The following KANK1 variants were observed in gnomAD, a reference collection of about 807,000 sequenced individuals.
The protein encoded by KANK1 is KN motif and ankyrin repeat domains 1.
In KANK1, 109 loss-of-function variants were observed where a neutral mutation model predicts 106.2. That is an observed-to-expected ratio of 1.03 (90% CI 0.88 to 1.20). KANK1 has a LOEUF of 1.20. KANK1 is among the 50% of genes most tolerant of loss of function. The probability of loss-of-function intolerance (pLI) is 0.00; values close to 1 mark genes in which losing one functional copy is unlikely to be tolerated. For synonymous variants in KANK1, 873 were observed against 652.2 expected (o/e 1.34, Z -5.16); for missense variants, 2,399 against 1,710.7 (o/e 1.40, Z -7.10).
chr9:691,301 A>AT (rs57321445), intron 2 of KANK1, among the ~76,000 whole-genome samples: 1,528 of 150,162 alleles, frequency 0.01, 40 homozygotes, highest in African/African-American at 0.036. Flanking sequence ...AATGTAGCAG[A>AT]TTTTTTTTTT....
At chr9:574,635 T>C (rs1820068584) in intron 1 of KANK1, among the ~76,000 whole-genome samples, 1 of 151,914 alleles carries the variant, frequency 6.6e-6, no homozygotes, top group African/African-American at 2.4e-5. Flanking sequence ...GGCGGGTGGA[T>C]CCTGAGGTGA....
chr9:590,660 A>G (rs999598833), intron 1 of KANK1, among the ~76,000 whole-genome samples: 5 of 148,496 alleles, frequency 3.4e-5, no homozygotes, highest in Non-Finnish European at 4.4e-5. Context: ...TTAGGTGTGT[A>G]TGCCTAAATA....
At chr9:519,226 T>C (rs2059439780) in intron 1 of KANK1, among the ~76,000 whole-genome samples, 1 of 151,674 alleles carries the variant, frequency 6.6e-6, no homozygotes, top group African/African-American at 2.4e-5. Flanking sequence ...TAATTGTGTC[T>C]TTTCCCCCAA....
At chr9:741,689 G>A (rs1011041129) in intron 9 of KANK1, among the ~76,000 whole-genome samples, 13 of 151,838 alleles carry the variant, frequency 8.6e-5, no homozygotes, top group South Asian at 2.1e-4. Flanking sequence ...AGGTTTCACC[G>A]TGTTAGCCAG....
At chr9:502,084 A>C (rs1463168556), upstream of KANK1, among the ~76,000 whole-genome samples, 3 of 152,234 alleles carry the variant, frequency 2.0e-5, no homozygotes, top group African/African-American at 4.8e-5. Flanking sequence ...ATGTTAAGTG[A>C]AAGAAGCTAG....
chr9:743,667 C>T (rs1836328215), intron 10 of KANK1, among the ~76,000 whole-genome samples: 1 of 152,052 alleles, frequency 6.6e-6, no homozygotes, highest in Admixed American at 6.6e-5. Context: ...GAGTTCAAGA[C>T]CAGCCTGGGC....
chr9:745,224 T>G lies in KANK1; in HGVS notation c.4048T>G (p.Ser1350Ala). 6.2e-7 allele frequency: 1 copy of G among 1,614,144 alleles called. No individual in the cohort carries two copies. Among genetic ancestry groups the G allele is most frequent in the Non-Finnish European group, 8.5e-7 (1 of 1,179,986 alleles). ...GTCTCCTGGCCCCACCCACCGAGGT[T>G]CATTTGATTGATTGTATGCAAATAG... The part of the protein sequence containing the change: ...KTSPGPTHRG[S>A]FD The change falls in exon 12 of 12, where the codon TCA (serine) becomes GCA (alanine). Residue 1350 changes from serine (S) to alanine (A), a missense_variant. Ser to Ala is a moderately conservative substitution (Grantham distance 99). Coordinates refer to ENST00000382297, the MANE Select transcript of KANK1 (RefSeq NM_015158.5).
chr9:634,337 C>G (rs973483579), intron 1 of KANK1, among the ~76,000 whole-genome samples: 1 of 152,114 alleles, frequency 6.6e-6, no homozygotes, highest in Non-Finnish European at 1.5e-5. Context: ...GAGTCCATCT[C>G]TGGACTTCCT....
intron 1 of KANK1, among the ~76,000 whole-genome samples, chr9:620,775 C>G (rs547485288): frequency 6.6e-6 from 1 of 151,898 alleles, no homozygotes; most frequent in Admixed American, 6.6e-5. Flanking sequence ...TTTAAAAAGC[C>G]AACTTTTAAA....
At chr9:564,838 G>T (rs1280837079) in intron 1 of KANK1, among the ~76,000 whole-genome samples, 1 of 152,206 alleles carries the variant, frequency 6.6e-6, no homozygotes, top group Admixed American at 6.5e-5. Flanking sequence ...CAACTCATGT[G>T]AGTCTCATTG....
intron 3 of KANK1, among the ~76,000 whole-genome samples, chr9:480,797 G>A (rs1053173131): frequency 6.6e-6 from 1 of 152,154 alleles, no homozygotes; most frequent in Non-Finnish European, 1.5e-5. Flanking sequence ...GCAGATTAGG[G>A]GTGACACTCA....
chr9:563,114 G>T (rs1249568883), intron 1 of KANK1, among the ~76,000 whole-genome samples: 1 of 151,960 alleles, frequency 6.6e-6, no homozygotes, highest in Non-Finnish European at 1.5e-5. Flanking sequence ...TAAGAGGAAA[G>T]ATGGAACCAA....
intron 2 of KANK1, among the ~76,000 whole-genome samples, chr9:695,751 ACACTGATG>A (rs1234955664): frequency 2.0e-5 from 3 of 152,158 alleles, no homozygotes; most frequent in Admixed American, 1.3e-4. Context: ...AAGTGACAAC[ACACTGATG>A]CAGGTACTAT....
Position 738,430 on chromosome 9 carries a change from G to A in KANK1, c.3479G>A (p.Gly1160Asp). The change falls in exon 8 of 12, where the codon GGC becomes GAC. Residue 1160 changes from glycine (G) to aspartate (D), a missense_variant. By Grantham distance (94) the Gly-to-Asp change is moderately conservative. Transcript: ENST00000382297. ...VLRYVINLAD[G>D]NGNTALHYSV... ...CGCTATGTCATCAACTTGGCAGACG[G>A]CAACGGCAACACAGCCCTCCATTAC... 6.2e-7 allele frequency: 1 copy of A among 1,614,100 alleles called. No individual in the cohort carries two copies. The highest frequency in any genetic ancestry group is 1.1e-5 in the South Asian group (1 of 91,072).
At chr9:587,218 C>G (rs994355850) in intron 1 of KANK1, among the ~76,000 whole-genome samples, 1 of 152,070 alleles carries the variant, frequency 6.6e-6, no homozygotes, top group Non-Finnish European at 1.5e-5. Flanking sequence ...TTTAGAGGTA[C>G]GAATCTGTTC....
chr9:610,092 G>T (rs1167930674), intron 1 of KANK1, among the ~76,000 whole-genome samples: 2 of 152,086 alleles, frequency 1.3e-5, no homozygotes, highest in Non-Finnish European at 2.9e-5. Flanking sequence ...TTTAGATCGT[G>T]TCTAATTCTT....
chr9:520,822 C>G (rs959896256), intron 1 of KANK1, among the ~76,000 whole-genome samples: 2 of 151,654 alleles, frequency 1.3e-5, no homozygotes, highest in Non-Finnish European at 2.9e-5. Context: ...TCCCATGGCT[C>G]CAGATCTGTA....
chr9:640,580 A>G (rs1018184458), intron 1 of KANK1, among the ~76,000 whole-genome samples: 2 of 151,242 alleles, frequency 1.3e-5, no homozygotes, highest in African/African-American at 4.9e-5. Context: ...GTATTTTTGT[A>G]CAGATGGGGT....
chr9:476,831 A>G (rs938294746), intron 3 of KANK1: 3 of 152,230 alleles, frequency 2.0e-5, no homozygotes, highest in Admixed American at 6.5e-5. Flanking sequence ...GCTGTGTTTT[A>G]AAGTTTTAAA....
Sources: gnomAD v4.1 joint callset for allele counts (sites outside exome capture counted in the v4.1 genomes callset) on GRCh38, gnomAD v4.1.1 for gene constraint, MANE v1.5 for transcripts, NCBI Gene and HGNC (gene_info 2026-07-23, HGNC 2026-07-21) for gene names.